LRRC4B: variants seen among roughly 807,000 people sequenced by gnomAD.
The protein encoded by LRRC4B is leucine-rich repeat-containing protein 4B.
A neutral mutation model predicts 7.3 loss-of-function variants in LRRC4B; 1 was observed. That is an observed-to-expected ratio of 0.14 (90% CI 0.05 to 0.65). LRRC4B has a LOEUF of 0.65. Ranked by LOEUF, LRRC4B falls within the 30% of genes least tolerant of loss-of-function variation. The probability of loss-of-function intolerance (pLI) is 0.84; values close to 1 mark genes in which losing one functional copy is unlikely to be tolerated. For synonymous variants in LRRC4B, 500 were observed against 499.2 expected (o/e 1.00, Z -0.02); for missense variants, 730 against 1,041.6 (o/e 0.70, Z 4.12).
chr19:50,548,881 T>C lies in LRRC4B; in HGVS notation c.-35-8A>G. On this transcript the variant is annotated splice_region_variant and splice_polypyrimidine_tract_variant and intron_variant, in intron 1 of 2. Transcript: ENST00000652263. This position sits in a 1 kb window ranked among gnomAD's most constrained non-coding sequence, Gnocchi z 6.8. ...CGCGTGGACGCTGGGGGGCTGTGGG[T>C]GGGGGAGAGAAGGGGGAGAGGCTTG... The C allele has an allele frequency of 2.3e-6, 1 of 433,746 alleles. No homozygotes were observed. Among genetic ancestry groups the C allele is most frequent in the Non-Finnish European group, 3.2e-6 (1 of 312,432 alleles). The allele number at this position is 433,746 out of a possible 1,614,324, so 26.9% of individuals were successfully genotyped here.
At chr19:50,566,473 A>C (rs1162167974) in intron 1 of LRRC4B, among the ~76,000 whole-genome samples, 1 of 149,036 alleles carries the variant, frequency 6.7e-6, no homozygotes, top group Non-Finnish European at 1.5e-5. Context: ...GAAAGTCACC[A>C]GAGGCTGCGG....
At chr19:50,546,156 G>A (rs1981795623) in intron 2 of LRRC4B, among the ~76,000 whole-genome samples, 6 of 151,996 alleles carry the variant, frequency 3.9e-5, no homozygotes, top group South Asian at 4.1e-4. Flanking sequence ...CCAACCTGGT[G>A]AAACCTCGTC....
At chr19:50,552,890 G>A (rs138150997) in intron 1 of LRRC4B, among the ~76,000 whole-genome samples, 16 of 152,276 alleles carry the variant, frequency 1.1e-4, no homozygotes, top group African/African-American at 3.4e-4. Flanking sequence ...GGCACCTCTC[G>A]AGAGTGGGGC....
At chr19:50,544,833 T>C (rs536615597) in intron 2 of LRRC4B, among the ~76,000 whole-genome samples, 119 of 152,218 alleles carry the variant, frequency 7.8e-4, no homozygotes, top group African/African-American at 2.8e-3. Context: ...GGTGGGTGAA[T>C]TGCTTGGGTC....
At chr19:50,527,317 C>G (rs372114691) in intron 2 of LRRC4B, among the ~76,000 whole-genome samples, 4 of 151,464 alleles carry the variant, frequency 2.6e-5, no homozygotes, top group Admixed American at 1.3e-4. Flanking sequence ...CAGGCATGAG[C>G]CACCACGCCC....
intron 1 of LRRC4B, among the ~76,000 whole-genome samples, chr19:50,565,526 C>CGTGTGT (rs67157266): frequency 0.045 from 6,611 of 147,272 alleles, 363 homozygotes; most frequent in African/African-American, 0.13. Context: ...TGTGTGCTCT[C>CGTGTGT]GTGTGTGTGT....
chr19:50,517,260 A>C lies in LRRC4B; in HGVS notation c.*311T>G. The C allele has an allele frequency of 8.5e-6, 2 of 235,764 alleles. No homozygotes were observed. The highest frequency in any genetic ancestry group is 2.2e-5 in the African/African-American group (1 of 44,552). The allele number at this position is 235,764 out of a possible 1,614,324, so 14.6% of individuals were successfully genotyped here. A position where few individuals can be genotyped will look rare whatever the true frequency, so the allele number is the denominator to read the frequency against. ...CTCCCCTGGAAGGCGGCGGGCCCGGAACGCTTGGTGGGAGAGCGAGGAGGA... is the reference window on the plus strand; with the variant it reads ...CTCCCCTGGAAGGCGGCGGGCCCGGCACGCTTGGTGGGAGAGCGAGGAGGA... On this transcript the variant is annotated 3_prime_UTR_variant, in exon 3 of 3. Coordinates refer to ENST00000652263, the MANE Select transcript of LRRC4B (RefSeq NM_001080457.2). The surrounding 1 kb of genome is among the most constrained non-coding windows in gnomAD (Gnocchi z 6.6).
intron 2 of LRRC4B, among the ~76,000 whole-genome samples, chr19:50,531,146 G>A (rs559480463): frequency 7.9e-5 from 12 of 152,302 alleles, no homozygotes; most frequent in African/African-American, 2.6e-4. Flanking sequence ...CCCCCTCCAT[G>A]CCCACCTCCT....
rs768776667 is a variant in LRRC4B at position 50,518,464 on chromosome 19, G to T, written c.1249C>A (p.His417Asn). 6.4e-7 allele frequency: 1 copy of T among 1,553,576 alleles called. No individual in the cohort carries two copies. Among genetic ancestry groups the T allele is most frequent in the Admixed American group, 1.9e-5 (1 of 52,606 alleles). ...TTGGTGAAGTTAAGCGTGCCGTCAT[G>T]CAGGACGGAGATGCGCACGCGGTAG... ...GSYRVRISVL[H>N]DGTLNFTNVT... The change falls in exon 3 of 3, where the codon CAT becomes AAT. Residue 417 changes from histidine (H) to asparagine (N), a missense_variant. By Grantham distance (68) the His-to-Asn change is moderately conservative (BLOSUM62 1). This residue lies in a region of LRRC4B where 226 missense variants were observed against 448.0 expected (regional missense o/e 0.50). Coordinates refer to ENST00000652263, the MANE Select transcript of LRRC4B (RefSeq NM_001080457.2).
chr19:50,544,454 C>G (rs1713459943), intron 2 of LRRC4B, among the ~76,000 whole-genome samples: 1 of 151,546 alleles, frequency 6.6e-6, no homozygotes, highest in African/African-American at 2.4e-5. Context: ...TTGCAGTGAG[C>G]CGAGATCACG....
intron 2 of LRRC4B, among the ~76,000 whole-genome samples, chr19:50,538,669 T>C (rs1362541177): frequency 6.8e-6 from 1 of 147,268 alleles, no homozygotes; most frequent in Admixed American, 6.9e-5. Context: ...CCTGGCCTCA[T>C]GCAATCTTCC....
Position 50,548,277 on chromosome 19 carries a change from C to T in LRRC4B, c.297+265G>A, listed in dbSNP as rs987144230. 6.6e-6 allele frequency among the ~76,000 whole-genome samples: 1 copy of T among 152,140 alleles called. No individual in the cohort carries two copies. The highest frequency in any genetic ancestry group is 2.4e-5 in the African/African-American group (1 of 41,454). ...CTAGGCCGACCCGCCTGTCCTGTGC[C>T]GGGGGGGCTGGGCAGGTGGCCTGCA... is the stretch of plus-strand genomic sequence containing the variant. On this transcript the variant is annotated intron_variant, in intron 2 of 2. Transcript: ENST00000652263. This position sits in a 1 kb window ranked among gnomAD's most constrained non-coding sequence, Gnocchi z 6.8.
At chr19:50,527,278 C>T (rs554979364) in intron 2 of LRRC4B, among the ~76,000 whole-genome samples, 3 of 150,616 alleles carry the variant, frequency 2.0e-5, no homozygotes, top group East Asian at 2.0e-4. Context: ...GTGATCTGCC[C>T]GCCTCAGCCT....
At chr19:50,533,016 C>CT (rs1452861937) in intron 2 of LRRC4B, among the ~76,000 whole-genome samples, 1 of 152,208 alleles carries the variant, frequency 6.6e-6, no homozygotes, top group African/African-American at 2.4e-5. Context: ...GTGTGCACGT[C>CT]TGAGATCATT....
chr19:50,552,594 A>ATCCATCTG (rs1982115723), intron 1 of LRRC4B, among the ~76,000 whole-genome samples: 3 of 43,718 alleles, frequency 6.9e-5, no homozygotes, highest in Admixed American at 3.6e-4. Flanking sequence ...CCATCTGTCC[A>ATCCATCTG]TCCATCCATC....
chr19:50,548,497 CAGTGTCCCCTCCA>C lies in LRRC4B; in HGVS notation c.297+32_297+44del. The C allele has an allele frequency of 6.4e-7, 1 of 1,554,482 alleles. No individual in the cohort carries two copies. Among genetic ancestry groups the C allele is most frequent in the Non-Finnish European group, 8.6e-7 (1 of 1,157,408 alleles). ...GATGGGCTACATCTGCATGCCTCCC[CAGTGTCCCCTCCA>C]AGGTCCCCCTCTGCCCGCTGGCCCC... is the stretch of plus-strand genomic sequence containing the variant. On this transcript the variant is annotated intron_variant, in intron 2 of 2. Transcript: ENST00000652263. The surrounding 1 kb of genome is among the most constrained non-coding windows in gnomAD (Gnocchi z 6.8).
At position 50,517,619 on chromosome 19, in the gene LRRC4B, C is replaced by T; in HGVS notation, c.2094G>A (p.Leu698=). 2 of 1,478,504 alleles carry T rather than the reference C, an allele frequency of 1.4e-6. No individual in the cohort carries two copies. The highest frequency in any genetic ancestry group is 5.1e-5 in the East Asian group (2 of 39,362). 91.6% of individuals were successfully genotyped at this position (1,478,504 alleles called of 1,614,324 possible). The change falls in exon 3 of 3, where the codon CTG becomes CTA. Residue 698 remains leucine (L), a synonymous_variant. Transcript: ENST00000652263. The surrounding 1 kb of genome is among the most constrained non-coding windows in gnomAD (Gnocchi z 6.6). ...PPGLNSIHEP[L]LFKSGSKENV... ...TCTCCTTGGAGCCGCTCTTGAAGAG[C>T]AGAGGTTCGTGGATGGAGTTGAGGC...
chr19:50,518,091 G>T lies in LRRC4B; in HGVS notation c.1622C>A (p.Pro541His). The T allele has an allele frequency of 1.3e-6, 2 of 1,596,438 alleles. No homozygotes were observed. The highest frequency in any genetic ancestry group is 1.7e-6 in the Non-Finnish European group (2 of 1,174,324). ...AGPASSSTTA[P>H]APRSSRPTEK... ...CGTGGGCCGCGAGGAGCGCGGGGCG[G>T]GTGCCGTGGTAGAAGACGAGGCAGG... The change falls in exon 3 of 3, where the codon CCC becomes CAC. Residue 541 changes from proline (P) to histidine (H), a missense_variant. By Grantham distance (77) the Pro-to-His change is moderately conservative (BLOSUM62 -2). Coordinates refer to ENST00000652263, the MANE Select transcript of LRRC4B (RefSeq NM_001080457.2).
At position 50,518,167 on chromosome 19, in the gene LRRC4B, G is replaced by A; in HGVS notation, c.1546C>T (p.Pro516Ser). 4 of 1,606,866 alleles carry A rather than the reference G, an allele frequency of 2.5e-6. No homozygotes were observed. Among genetic ancestry groups the A allele is most frequent in the Non-Finnish European group, 3.4e-6 (4 of 1,178,566 alleles). Residue 516 changes from proline to serine, a missense_variant, in exon 3 of 3, where the codon CCC becomes TCC. This residue lies in a region of LRRC4B where 192 missense variants were observed against 228.6 expected (regional missense o/e 0.84). Transcript: ENST00000652263. The stretch of plus-strand genomic sequence containing the variant: ...CCACCCCAGACACCGTCTGTCGTGG[G>A]CCCTGGCGGTTCCTTCTCCGTCCCC... ...PRGTEKEPPG[P>S]TTDGVWGGGR...
Sources: allele counts gnomAD v4.1 joint callset (sites outside exome capture counted in the v4.1 genomes callset), GRCh38; gene constraint gnomAD v4.1.1; regional missense constraint gnomAD v4.1.1; non-coding constraint Gnocchi (gnomAD v3.1); transcripts MANE v1.5; gene names NCBI Gene and HGNC (gene_info 2026-07-23, HGNC 2026-07-21).